The following PIGB variants were observed in gnomAD, a reference collection of about 807,000 sequenced individuals.
The protein encoded by PIGB is GPI alpha-1,2-mannosyltransferase 3.
In PIGB, 58 loss-of-function variants were observed where a neutral mutation model predicts 68.4. The observed-to-expected ratio is 0.85, with a 90% CI of 0.69 to 1.06. The LOEUF is 1.06. Ranked by LOEUF, PIGB falls within the 50% of genes least tolerant of loss-of-function variation. PIGB has a pLI of 0.00. For missense variants in PIGB, 634 were observed against 655.8 expected, an observed-to-expected ratio of 0.97 and a Z score of 0.36; for synonymous variants, 219 against 220.5, an observed-to-expected ratio of 0.99 and a Z score of 0.06.
chr15:55,350,282 C>A, intron 9 of PIGB: 1 of 171,166 alleles, frequency 5.8e-6, no homozygotes, highest in East Asian at 1.6e-4. Flanking sequence ...ATTATTAGTG[C>A]TTGGGAGATT....
chr15:55,339,079 TA>T (rs1169462720), intron 6 of PIGB, among the ~76,000 whole-genome samples, 187 bp from the exon 7 acceptor site: 4 of 152,218 alleles, frequency 2.6e-5, no homozygotes, highest in Admixed American at 2.6e-4. Context: ...ATTAATCGAT[TA>T]TATAATCTTA....
intron 3 of PIGB, among the ~76,000 whole-genome samples, chr15:55,323,911 G>A (rs1192007844): frequency 6.6e-6 from 1 of 152,128 alleles, no homozygotes; most frequent in South Asian, 2.1e-4. Flanking sequence ...CTTTTGAAAT[G>A]GAATCTCACT....
At chr15:55,323,257 T>C (rs956887069) in intron 3 of PIGB, among the ~76,000 whole-genome samples, 7 of 152,302 alleles carry the variant, frequency 4.6e-5, no homozygotes, top group Admixed American at 2.6e-4. Context: ...AAAGCAGAAC[T>C]AGAGCTAAAT....
intron 10 of PIGB, 65 bp downstream of exon 10, chr15:55,350,977 T>G: frequency 1.2e-6 from 1 of 800,540 alleles, no homozygotes; most frequent in Non-Finnish European, 2.0e-6. Flanking sequence ...AAATTCCCTT[T>G]CAGATTCCTG....
At chr15:55,329,532 T>C (rs796877639) in intron 4 of PIGB, among the ~76,000 whole-genome samples, 192 bp from the exon 5 acceptor site, 33 of 152,358 alleles carry the variant, frequency 2.2e-4, no homozygotes, top group African/African-American at 7.7e-4. Flanking sequence ...AATATAGATC[T>C]GCTATTATCA....
intron 9 of PIGB, among the ~76,000 whole-genome samples, chr15:55,342,383 A>C (rs2055689990): frequency 6.6e-6 from 1 of 152,178 alleles, no homozygotes; most frequent in African/African-American, 2.4e-5. Flanking sequence ...ACTCTAAGGC[A>C]TATGCAATTA....
At position 55,339,147 on chromosome 15, in the gene PIGB, G is replaced by C. The variant is rs1028284532; in HGVS notation, c.795-120G>C. On this transcript the variant is annotated intron_variant, in intron 6 of 11. Coordinates refer to ENST00000164305, the MANE Select transcript of PIGB (RefSeq NM_004855.5). ...AAATGTGTAAATCTATATTCAGTTG[G>C]TGAAACTGTAAAGCATTTTTATAGT... 5 of 687,628 alleles carry C rather than the reference G, an allele frequency of 7.3e-6. No homozygotes were observed. In the African/African-American group the frequency reaches 7.3e-5, roughly 10 times the overall value. The allele number at this position is 687,628 out of a possible 1,614,324, so 42.6% of individuals were successfully genotyped here.
intron 5 of PIGB, among the ~76,000 whole-genome samples, chr15:55,330,923 TA>T (rs2055399403): frequency 1.3e-5 from 2 of 152,168 alleles, no homozygotes; most frequent in East Asian, 3.8e-4. Flanking sequence ...ATTTTAAGGC[TA>T]AAAGGGAAAA....
At chr15:55,337,507 C>T (rs1439593467) in intron 6 of PIGB, among the ~76,000 whole-genome samples, 5 of 152,154 alleles carry the variant, frequency 3.3e-5, no homozygotes, top group Non-Finnish European at 5.9e-5. Flanking sequence ...GGTTGTGCTC[C>T]GTATGAGCAT....
At chr15:55,336,262 G>A (rs894071336) in intron 6 of PIGB, among the ~76,000 whole-genome samples, 3 of 152,222 alleles carry the variant, frequency 2.0e-5, no homozygotes, top group Non-Finnish European at 2.9e-5. Flanking sequence ...CACTAGGCAC[G>A]CCTGTGGTCC....
At chr15:55,324,617 G>A (rs1459166361) in intron 3 of PIGB, among the ~76,000 whole-genome samples, 1 of 152,038 alleles carries the variant, frequency 6.6e-6, no homozygotes, top group Non-Finnish European at 1.5e-5. Context: ...TCTCCAAACT[G>A]ACACAATAAT....
intron 5 of PIGB, among the ~76,000 whole-genome samples, chr15:55,331,306 G>A (rs752424930): frequency 7.2e-5 from 11 of 152,242 alleles, no homozygotes; most frequent in African/African-American, 2.2e-4. Flanking sequence ...GTCAGGAAGC[G>A]CAAGGGTCAC....
At chr15:55,344,147 A>C (rs961116261) in intron 9 of PIGB, among the ~76,000 whole-genome samples, 3 of 152,240 alleles carry the variant, frequency 2.0e-5, no homozygotes, top group African/African-American at 7.2e-5. Flanking sequence ...TCAAAACTGT[A>C]GTGGCTTAAA....
Position 55,354,849 on chromosome 15 carries a change from G to C in PIGB, c.1389G>C (p.Leu463=). The C allele has an allele frequency of 6.2e-7, 1 of 1,613,730 alleles. No homozygotes were observed. The highest frequency in any genetic ancestry group is 8.5e-7 in the Non-Finnish European group (1 of 1,179,766). The part of the protein sequence containing the change: ...PMRFLQCPPD[L]TGKSHYLDEA... Reference sequence around the variant, plus strand: ...GATTTCTCCAGTGCCCGCCAGACCTGACTGGAAAAAGTCATTATCTTGATG... The same window carrying C: ...GATTTCTCCAGTGCCCGCCAGACCTCACTGGAAAAAGTCATTATCTTGATG... The change falls in exon 11 of 12, where the codon CTG becomes CTC. Residue 463 remains leucine (L), a synonymous_variant. Coordinates refer to ENST00000164305, the MANE Select transcript of PIGB (RefSeq NM_004855.5).
chr15:55,319,349 G>A lies in PIGB; in HGVS notation c.99G>A (p.Lys33=), dbSNP rs2055107965. ...GLQNRSHGKI[K]LRKRKSTLYF... is the part of the protein sequence containing the mutation. ...AGAACCGCTCCCACGGCAAGATAAA[G>A]CTGCGAAAGAGAAAGTCTACCTTGT... Residue 33 remains lysine (K), a synonymous_variant, in exon 1 of 12, where the codon AAG becomes AAA. Coordinates refer to ENST00000164305, the MANE Select transcript of PIGB (RefSeq NM_004855.5). 2 of 1,569,728 alleles carry A rather than the reference G, an allele frequency of 1.3e-6. No individual in the cohort carries two copies. The highest frequency in any genetic ancestry group is 2.7e-5 in the African/African-American group (2 of 74,150).
rs1036898722 is a variant in PIGB, at chr15:55,342,638, C to T, written c.1123+836C>T. Among the ~76,000 whole-genome samples, 11 of 152,342 alleles carry T rather than the reference C, an allele frequency of 7.2e-5. No individual in the cohort carries two copies. The South Asian group carries it at 8.3e-4, about 11-fold the overall frequency. ...AACTCCTGACCTCAGGTGATCCACCCGCCTCAGCCTCCCAAAAGTGCTGGG... is the reference window on the plus strand; with the variant it reads ...AACTCCTGACCTCAGGTGATCCACCTGCCTCAGCCTCCCAAAAGTGCTGGG... On this transcript the variant is annotated intron_variant, in intron 9 of 11. Coordinates refer to ENST00000164305, the MANE Select transcript of PIGB (RefSeq NM_004855.5).
At chr15:55,329,228 T>C (rs1048300712) in intron 4 of PIGB, among the ~76,000 whole-genome samples, 26 of 152,212 alleles carry the variant, frequency 1.7e-4, no homozygotes, top group Admixed American at 1.6e-3. Context: ...TTTTTTTTCC[T>C]CTTTCCTCTT....
Position 55,355,290 on chromosome 15 carries a change from T to A in PIGB, c.1523T>A (p.Ile508Lys), listed in dbSNP as rs1325136655. Residue 508 changes from isoleucine (I) to lysine (K), a missense_variant, in exon 12 of 12, where the codon ATA (isoleucine) becomes AAA (lysine). By Grantham distance (102) the Ile-to-Lys change is moderately radical. Coordinates refer to ENST00000164305, the MANE Select transcript of PIGB (RefSeq NM_004855.5). Reference sequence around the variant, plus strand: ...TAAACATTTATTTGCTTCTAGGAAATAAGCGCTTTCCTAATTTCAAGCAAT... The same window carrying A: ...TAAACATTTATTTGCTTCTAGGAAAAAAGCGCTTTCCTAATTTCAAGCAAT... ...LITFSILEEE[I>K]SAFLISSNYK... 6.2e-7 allele frequency: 1 copy of A among 1,604,592 alleles called. No homozygotes were observed. The highest frequency in any genetic ancestry group is 8.5e-7 in the Non-Finnish European group (1 of 1,174,444).
chr15:55,323,241 G>A (rs1259360632), intron 3 of PIGB, among the ~76,000 whole-genome samples: 5 of 152,152 alleles, frequency 3.3e-5, no homozygotes, highest in African/African-American at 4.8e-5. Flanking sequence ...AGGTCACAAC[G>A]TGTTAAAAGC....
Sources: allele counts gnomAD v4.1 joint callset (sites outside exome capture counted in the v4.1 genomes callset), GRCh38; gene constraint gnomAD v4.1.1; transcripts MANE v1.5; gene names NCBI Gene and HGNC (gene_info 2026-07-23, HGNC 2026-07-21).